The following RASSF3 variants were observed in gnomAD, a reference collection of about 807,000 sequenced individuals.
RASSF3 encodes Ras association domain family member 3, also known as ras association domain-containing protein 3.
A neutral mutation model predicts 19.9 loss-of-function variants in RASSF3; 19 were observed. That is an observed-to-expected ratio of 0.96 (90% confidence interval 0.67 to 1.40). The LOEUF is 1.40. RASSF3 is among the 40% of genes most tolerant of loss of function. RASSF3 has a pLI of 0.00. For synonymous variants in RASSF3, 110 were observed against 104.2 expected (o/e 1.06, Z -0.34); for missense variants, 306 against 289.8 (o/e 1.06, Z -0.41).
rs368011092 is a variant in RASSF3, at chr12:64,694,903, G to A, written c.708G>A (p.Lys236=). The A allele has an allele frequency of 1.2e-6, 2 of 1,614,062 alleles. No homozygotes were observed. Among genetic ancestry groups the A allele is most frequent in the Non-Finnish European group, 1.7e-6 (2 of 1,179,984 alleles). ...AAGAAGCCCTCCGTGAGGTGTGGAA[G>A]CCTGATTAAAGCGGGGCTCCCTGCC... The part of the protein sequence containing the change: ...KLEEALREVW[K]PD The change falls in exon 5 of 5, where the codon AAG becomes AAA. Residue 236 remains lysine, a synonymous_variant. Transcript: ENST00000542104.
chr12:64,571,115 G>C (rs149980757), intron 2 of RASSF3, among the ~76,000 whole-genome samples: 1 of 152,256 alleles, frequency 6.6e-6, no homozygotes, highest in African/African-American at 2.4e-5. Flanking sequence ...TACTTGGGAG[G>C]CTGAGGCAGG....
intron 1 of RASSF3, among the ~76,000 whole-genome samples, chr12:64,618,803 G>A (rs1204795422): frequency 6.6e-6 from 1 of 152,116 alleles, no homozygotes; most frequent in Non-Finnish European, 1.5e-5. Flanking sequence ...GTACAATACA[G>A]TAGTCACTAG....
chr12:64,525,561 C>T (rs896616614), intron 1 of RASSF3, among the ~76,000 whole-genome samples: 1 of 152,144 alleles, frequency 6.6e-6, no homozygotes, highest in Non-Finnish European at 1.5e-5. Context: ...AACAGTCATA[C>T]GCATTCTCCC....
intron 2 of RASSF3, among the ~76,000 whole-genome samples, chr12:64,560,911 G>C (rs1468179770): frequency 6.6e-6 from 1 of 152,224 alleles, no homozygotes; most frequent in Non-Finnish European, 1.5e-5. Flanking sequence ...CACAAAAGCT[G>C]CTCAGCCTGG....
In RASSF3 at chr12:64,610,579, T is replaced by G. The variant is rs990514987; in HGVS notation, c.-54T>G. On this transcript the variant is annotated 5_prime_UTR_variant, in exon 1 of 5. Coordinates refer to ENST00000542104, the MANE Select transcript of RASSF3 (RefSeq NM_178169.4). ...CGGGGCTGGCGGGCGCCGCACCCCC[T>G]CCCTGGCCGCCTGCGCCCCGGGGAG... 2 of 1,097,622 alleles carry G rather than the reference T, an allele frequency of 1.8e-6. No homozygotes were observed. The highest frequency in any genetic ancestry group is 6.4e-5 in the East Asian group (2 of 31,048). The allele number at this position is 1,097,622 out of a possible 1,614,324, so 68.0% of individuals were successfully genotyped here.
upstream of RASSF3, among the ~76,000 whole-genome samples, chr12:64,610,267 C>T (rs1870289311): frequency 6.6e-6 from 1 of 151,978 alleles, no homozygotes; most frequent in African/African-American, 2.4e-5. Flanking sequence ...CCCTAGCGCC[C>T]GGCTTTCCGG....
intron 1 of RASSF3, among the ~76,000 whole-genome samples, chr12:64,651,745 C>T (rs1213719143): frequency 6.6e-6 from 1 of 152,120 alleles, no homozygotes; most frequent in African/African-American, 2.4e-5. Context: ...TCACTGCAAC[C>T]TCGACTTCCC....
intron 2 of RASSF3, among the ~76,000 whole-genome samples, chr12:64,582,616 A>G (rs1388090031): frequency 1.3e-5 from 2 of 152,146 alleles, no homozygotes; most frequent in Non-Finnish European, 2.9e-5. Context: ...GTAGGTGAGG[A>G]GTGCACCTCA....
chr12:64,644,701 A>AACAAACAAACAG (rs1202966256), intron 1 of RASSF3, among the ~76,000 whole-genome samples: 1 of 149,638 alleles, frequency 6.7e-6, no homozygotes, highest in Non-Finnish European at 1.5e-5. Flanking sequence ...TCCAACCAAA[A>AACAAACAAACAG]ACAAACAAAC....
intron 1 of RASSF3, among the ~76,000 whole-genome samples, chr12:64,680,195 C>T (rs906283571): frequency 2.0e-5 from 3 of 151,926 alleles, no homozygotes; most frequent in Non-Finnish European, 4.4e-5. Flanking sequence ...TGTGAGGGGA[C>T]GGGAGGGTCT....
intron 2 of RASSF3, among the ~76,000 whole-genome samples, chr12:64,599,924 C>T (rs1317785475): frequency 4.7e-5 from 7 of 149,186 alleles, no homozygotes; most frequent in East Asian, 4.0e-4. Flanking sequence ...CCCAGCTCCT[C>T]GGGAGGCTGA....
chr12:64,606,780 A>C (rs1565847954), upstream of RASSF3, among the ~76,000 whole-genome samples: 2 of 152,076 alleles, frequency 1.3e-5, no homozygotes, highest in Non-Finnish European at 2.9e-5. Flanking sequence ...ATAGCACTGC[A>C]CTCCAGCCTG....
intron 1 of RASSF3, among the ~76,000 whole-genome samples, chr12:64,677,151 A>G (rs1872937024): frequency 6.6e-6 from 1 of 152,056 alleles, no homozygotes. Context: ...ACCTCTGTCT[A>G]TTATAGTCTG....
chr12:64,516,436 G>A (rs1053656709), intron 1 of RASSF3, among the ~76,000 whole-genome samples: 2 of 149,788 alleles, frequency 1.3e-5, no homozygotes, highest in Admixed American at 6.7e-5. Context: ...CGACTAGAAC[G>A]GTGAAACCCC....
At position 64,507,773 on chromosome 12, in the gene RASSF3, T is replaced by C. The variant is rs538374120; in HGVS notation, c.169+444T>C. On this transcript the variant is annotated intron_variant, in intron 1 of 5. Transcript: ENST00000637125. ...TAAAAAGGTCAGTGGGCCTTAAATCTCTTTTATTTGGGTCAGTTTATGCAT... is the reference window on the plus strand; with the variant it reads ...TAAAAAGGTCAGTGGGCCTTAAATCCCTTTTATTTGGGTCAGTTTATGCAT... Among the ~76,000 whole-genome samples the C allele has an allele frequency of 2.6e-5, 4 of 152,314 alleles. No homozygotes were observed. In the South Asian group the frequency reaches 8.3e-4, roughly 32 times the overall value.
At chr12:64,622,388 G>T in intron 1 of RASSF3, 1 of 500,512 alleles carries the variant, frequency 2.0e-6, no homozygotes, top group Non-Finnish European at 4.0e-6. Context: ...AAGTATACTA[G>T]GTATTGAAAA....
At position 64,697,101 on chromosome 12, in the gene RASSF3, G is replaced by T. The variant is rs1868390638; in HGVS notation, c.*2189G>T. The T allele has an allele frequency of 1.4e-5, 2 of 140,932 alleles. No homozygotes were observed. Among genetic ancestry groups the T allele is most frequent in the Admixed American group, 7.2e-5 (1 of 13,810 alleles). The allele number at this position is 140,932 out of a possible 1,614,324, so 8.7% of individuals were successfully genotyped here. A position where few individuals can be genotyped will look rare whatever the true frequency, so the allele number is the denominator to read the frequency against. On this transcript the variant is annotated 3_prime_UTR_variant, in exon 5 of 5. Coordinates refer to ENST00000542104, the MANE Select transcript of RASSF3 (RefSeq NM_178169.4). ...TTTTTTTACTTGAAGTAGATTGTCT[G>T]AATAGGCATCCTCATCTATATTTAC...
In RASSF3 at chr12:64,676,128, C is replaced by G. The variant is rs565105616; in HGVS notation, c.112-8659C>G. ...ACAAGAACAGCAGCACCAAACACCCCAGAAACAACTGTTCTGATTCTTTCC... is the reference window on the plus strand; with the variant it reads ...ACAAGAACAGCAGCACCAAACACCCGAGAAACAACTGTTCTGATTCTTTCC... On this transcript the variant is annotated intron_variant, in intron 1 of 4. Transcript: ENST00000542104. Among the ~76,000 whole-genome samples, 8 of 151,756 alleles carry G rather than the reference C, an allele frequency of 5.3e-5. No homozygotes were observed. The South Asian group carries it at 1.2e-3, about 24-fold the overall frequency.
chr12:64,691,581 T>G lies in RASSF3; in HGVS notation c.567+2T>G. The G allele has an allele frequency of 6.5e-7, 1 of 1,538,812 alleles. No individual in the cohort carries two copies. Among genetic ancestry groups the G allele is most frequent in the Non-Finnish European group, 8.9e-7 (1 of 1,127,022 alleles). ...CTTCGTGAACATGAAATTGGAGAGGTAAGTTATTGTTCACTATTGCTTTAA... is the reference window on the plus strand; with the variant it reads ...CTTCGTGAACATGAAATTGGAGAGGGAAGTTATTGTTCACTATTGCTTTAA... On this transcript the variant is annotated splice_donor_variant, in intron 4 of 4. Coordinates refer to ENST00000542104, the MANE Select transcript of RASSF3 (RefSeq NM_178169.4). LOFTEE classifies it high-confidence loss of function.
Sources: allele counts gnomAD v4.1 joint callset (sites outside exome capture counted in the v4.1 genomes callset), GRCh38; gene constraint gnomAD v4.1.1; transcripts MANE v1.5; gene names NCBI Gene and HGNC (gene_info 2026-07-23, HGNC 2026-07-21).